Variants in UNC13C observed in about 807,000 individuals in gnomAD.
UNC13C encodes protein unc-13 homolog C.
UNC13C carries 174 observed loss-of-function variants against 245.4 expected under a neutral mutation model. The ratio of observed to expected loss-of-function variants is 0.71; its 90% CI spans 0.63 to 0.80. The LOEUF (loss-of-function observed/expected upper bound fraction) is 0.80. Among genes scored for constraint, UNC13C ranks in the 30% least tolerant of loss-of-function variants. The pLI is 0.00. For missense variants in UNC13C, 2,829 were observed against 2,602.9 expected (o/e 1.09, Z -1.89); for synonymous variants, 992 against 895.1 (o/e 1.11, Z -1.93).
chr15:54,589,565 G>A (rs1332827821), intron 30 of UNC13C, among the ~76,000 whole-genome samples: 1 of 151,984 alleles, frequency 6.6e-6, no homozygotes, highest in African/African-American at 2.4e-5. Flanking sequence ...CCAAAGTGCT[G>A]GGATTACAGG....
intron 19 of UNC13C, among the ~76,000 whole-genome samples, chr15:54,465,372 T>G (rs552812874): frequency 9.9e-5 from 15 of 152,162 alleles, no homozygotes; most frequent in African/African-American, 3.4e-4. Context: ...ATTTAAACAT[T>G]TTATGGCTTC....
At chr15:53,991,475 G>T (rs1391355730) in intron 1 of UNC13C, among the ~76,000 whole-genome samples, 1 of 151,982 alleles carries the variant, frequency 6.6e-6, no homozygotes, top group Non-Finnish European at 1.5e-5. Flanking sequence ...GAAAGCTGTT[G>T]TATCAGGTGC....
At chr15:53,999,086 A>G (rs2263910) in intron 1 of UNC13C, among the ~76,000 whole-genome samples, 149,856 of 152,058 alleles carry the variant, frequency 0.99, 73,876 homozygotes, top group Middle Eastern at 1. Context: ...TTTTTGTCAA[A>G]TTTTGAAATC....
intron 4 of UNC13C, among the ~76,000 whole-genome samples, chr15:54,186,630 A>G (rs891663813): frequency 7.2e-5 from 11 of 151,886 alleles, no homozygotes; most frequent in Non-Finnish European, 1.5e-4. Flanking sequence ...ATCCACCCAC[A>G]CTGTGGGAAA....
At chr15:54,487,065 A>G (rs1276854123) in intron 19 of UNC13C, among the ~76,000 whole-genome samples, 1 of 152,286 alleles carries the variant, frequency 6.6e-6, no homozygotes, top group East Asian at 1.9e-4. Flanking sequence ...ATCAGAGAGT[A>G]TATCTATGAG....
At chr15:54,244,812 A>G (rs1596074330) in intron 7 of UNC13C, among the ~76,000 whole-genome samples, 1 of 151,966 alleles carries the variant, frequency 6.6e-6, no homozygotes, top group South Asian at 2.1e-4. Context: ...CATTTTTTGC[A>G]CATTGATTTT....
At chr15:53,858,580 G>A in the UNC13C span, among the ~76,000 whole-genome samples, 1 of 151,476 alleles carries the variant, frequency 6.6e-6, no homozygotes. Context: ...CTCACCGCAT[G>A]CAGCTAATTT....
At chr15:54,574,756 T>G (rs1897889275) in intron 30 of UNC13C, among the ~76,000 whole-genome samples, 1 of 152,236 alleles carries the variant, frequency 6.6e-6, no homozygotes. Context: ...TCCTATTTTT[T>G]CATTTTTAAT....
At chr15:53,851,414 C>A in the UNC13C span, among the ~76,000 whole-genome samples, 1 of 152,130 alleles carries the variant, frequency 6.6e-6, no homozygotes, top group African/African-American at 2.4e-5. Flanking sequence ...TAATGCCTAG[C>A]CCCTTATGCA....
At chr15:54,339,640 G>GATATATAT (rs61353129) in intron 17 of UNC13C, among the ~76,000 whole-genome samples, 7 of 149,588 alleles carry the variant, frequency 4.7e-5, no homozygotes, top group African/African-American at 1.8e-4. Flanking sequence ...ATTATGTGGA[G>GATATATAT]ATATATATAT....
rs76129499 is a variant in UNC13C, at chr15:54,230,243, C to T, written c.3072-4787C>T. Among the ~76,000 whole-genome samples, 403 of 152,242 alleles carry T rather than the reference C, an allele frequency of 2.6e-3. 12 individuals carry two copies. In the East Asian group the frequency reaches 0.073, roughly 28 times the overall value. Reference sequence around the variant, plus strand: ...AGGTCCCTTTTTCTCCATAGCATCACCAACACTTGTTATCTTTTATTATTT... The same window carrying T: ...AGGTCCCTTTTTCTCCATAGCATCATCAACACTTGTTATCTTTTATTATTT... On this transcript the variant is annotated intron_variant, in intron 4 of 32. Coordinates refer to ENST00000260323, the MANE Select transcript of UNC13C (RefSeq NM_001080534.3).
chr15:54,498,292 A>G (rs1302778072), intron 20 of UNC13C, among the ~76,000 whole-genome samples: 1 of 152,114 alleles, frequency 6.6e-6, no homozygotes, highest in African/African-American at 2.4e-5. Flanking sequence ...CCTGAGCCAT[A>G]AAACAAAACT....
At chr15:53,931,644 T>C in the UNC13C span, among the ~76,000 whole-genome samples, 2 of 152,136 alleles carry the variant, frequency 1.3e-5, no homozygotes, top group Non-Finnish European at 2.9e-5. Flanking sequence ...ATATGCCTAG[T>C]CTAAGCTTTA....
At chr15:54,047,879 G>C (rs892566090) in intron 2 of UNC13C, among the ~76,000 whole-genome samples, 3 of 152,020 alleles carry the variant, frequency 2.0e-5, no homozygotes, top group East Asian at 3.8e-4. Flanking sequence ...ATTTTTTCAG[G>C]CTGAAGATTC....
chr15:54,132,871 T>A (rs1424660230), intron 2 of UNC13C, among the ~76,000 whole-genome samples: 1 of 152,206 alleles, frequency 6.6e-6, no homozygotes, highest in African/African-American at 2.4e-5. Flanking sequence ...AGGGAATTCC[T>A]AAACTAGATA....
intron 2 of UNC13C, among the ~76,000 whole-genome samples, chr15:54,045,136 A>C (rs1225302605): frequency 6.6e-6 from 1 of 152,072 alleles, no homozygotes; most frequent in Non-Finnish European, 1.5e-5. Context: ...ATCATAGCTA[A>C]CCATTGCCAA....
chr15:53,886,563 G>A, the UNC13C span, among the ~76,000 whole-genome samples: 6 of 152,224 alleles, frequency 3.9e-5, no homozygotes, highest in African/African-American at 1.4e-4. Flanking sequence ...CCGCACAGAG[G>A]AACAACAAGT....
chr15:54,498,486 A>T (rs897238768), intron 20 of UNC13C, among the ~76,000 whole-genome samples: 1 of 152,158 alleles, frequency 6.6e-6, no homozygotes. Flanking sequence ...TTAAGTGCTA[A>T]TAAAATATGG....
rs2032488345 is a variant in UNC13C, at chr15:54,150,962, G to A, written c.3071+7278G>A. ...TCATAAAACTGACTCAGAAGATTAA[G>A]AAAATGGAGCTGTCATCCTGAAGCT... On this transcript the variant is annotated intron_variant, in intron 4 of 32. Coordinates refer to ENST00000260323, the MANE Select transcript of UNC13C (RefSeq NM_001080534.3). 3.9e-5 allele frequency among the ~76,000 whole-genome samples: 6 copies of A among 152,250 alleles called. 1 individual carries two copies. In the South Asian group the frequency reaches 1.2e-3, roughly 32 times the overall value.
Sources: allele counts gnomAD v4.1 joint callset (sites outside exome capture counted in the v4.1 genomes callset), GRCh38; gene constraint gnomAD v4.1.1; transcripts MANE v1.5; gene names NCBI Gene and HGNC (gene_info 2026-07-23, HGNC 2026-07-21).